The following NBEA variants were observed in gnomAD, a reference collection of about 807,000 sequenced individuals.
The protein encoded by NBEA is lysosomal-trafficking regulator 2.
In NBEA, 44 loss-of-function variants were observed where a neutral mutation model predicts 343.4. The ratio of observed to expected loss-of-function variants is 0.13; its 90% confidence interval spans 0.10 to 0.16. The LOEUF (loss-of-function observed/expected upper bound fraction) is 0.16, where lower values mean the gene tolerates loss of function less well. NBEA is among the 10% of genes least tolerant of loss of function. The probability of loss-of-function intolerance (pLI) is 1.00; values close to 1 mark genes in which losing one functional copy is unlikely to be tolerated. For synonymous variants in NBEA, 1,175 were observed against 1,238.7 expected, an observed-to-expected ratio of 0.95 and a Z score of 1.08; for missense variants, 2,555 against 3,631.3, an observed-to-expected ratio of 0.70 and a Z score of 7.62.
At chr13:35,140,177 A>AT (rs1270333910) in intron 17 of NBEA, among the ~76,000 whole-genome samples, 3,825 of 143,586 alleles carry the variant, frequency 0.027, 142 homozygotes, top group Admixed American at 0.096. Flanking sequence ...TGCCCAGCTA[A>AT]TTTTTTTTTT....
intron 48 of NBEA, among the ~76,000 whole-genome samples, chr13:35,608,765 C>T (rs1007300169): frequency 6.6e-6 from 1 of 152,150 alleles, no homozygotes; most frequent in Non-Finnish European, 1.5e-5. Flanking sequence ...GAACAGAATT[C>T]TCATATGGGT....
At chr13:35,543,048 C>T (rs1183978951) in intron 41 of NBEA, among the ~76,000 whole-genome samples, 1 of 151,842 alleles carries the variant, frequency 6.6e-6, no homozygotes, top group Non-Finnish European at 1.5e-5. Flanking sequence ...TTTTAGGTTC[C>T]TAAGACCATA....
At chr13:35,430,037 A>G (rs905960547) in intron 38 of NBEA, among the ~76,000 whole-genome samples, 2 of 152,134 alleles carry the variant, frequency 1.3e-5, no homozygotes, top group Admixed American at 6.5e-5. Context: ...AGGAATCTCC[A>G]CACTGTTTTT....
intron 38 of NBEA, among the ~76,000 whole-genome samples, chr13:35,378,689 T>C (rs944873196): frequency 1.3e-5 from 2 of 151,794 alleles, no homozygotes; most frequent in Admixed American, 6.6e-5. Context: ...GAAGAGTACA[T>C]ATGTCATAAT....
chr13:34,996,560 T>G (rs1566139776), intron 1 of NBEA, among the ~76,000 whole-genome samples: 1 of 152,106 alleles, frequency 6.6e-6, no homozygotes, highest in Non-Finnish European at 1.5e-5. Context: ...TTATAGTATA[T>G]TTACTTTTAC....
At chr13:35,558,058 T>C (rs1218677619) in intron 44 of NBEA, among the ~76,000 whole-genome samples, 1 of 152,164 alleles carries the variant, frequency 6.6e-6, no homozygotes, top group East Asian at 1.9e-4. Context: ...TAATTATGTA[T>C]GGCATAAATC....
chr13:34,993,769 C>A (rs1383546464), intron 1 of NBEA, among the ~76,000 whole-genome samples: 1 of 152,136 alleles, frequency 6.6e-6, no homozygotes, highest in Non-Finnish European at 1.5e-5. Context: ...TAGTCTGTTA[C>A]AAAAATTTTC....
intron 38 of NBEA, among the ~76,000 whole-genome samples, chr13:35,422,092 G>A (rs201053339): frequency 7.5e-5 from 7 of 93,144 alleles, no homozygotes; most frequent in African/African-American, 4.0e-4. Flanking sequence ...TTGTTTGTTT[G>A]TTTTTTTTTT....
intron 33 of NBEA, among the ~76,000 whole-genome samples, chr13:35,225,595 G>T (rs577046931): frequency 5.9e-5 from 9 of 152,188 alleles, no homozygotes; most frequent in Admixed American, 5.2e-4. Flanking sequence ...AAGAGGCTGG[G>T]CATCGTTGCA....
intron 10 of NBEA, among the ~76,000 whole-genome samples, chr13:35,092,908 G>T (rs992836554): frequency 6.6e-6 from 1 of 152,018 alleles, no homozygotes; most frequent in Admixed American, 6.6e-5. Context: ...AATGTTTATA[G>T]TAGCCTTATT....
intron 44 of NBEA, among the ~76,000 whole-genome samples, chr13:35,566,570 A>T (rs2080148060): frequency 1.3e-5 from 2 of 152,070 alleles, no homozygotes; most frequent in South Asian, 2.1e-4. Context: ...TCTTGAAGAG[A>T]CTTTGCTCAC....
At chr13:35,174,981 C>T (rs748575772) in intron 27 of NBEA, among the ~76,000 whole-genome samples, 105 of 151,784 alleles carry the variant, frequency 6.9e-4, no homozygotes, top group Non-Finnish European at 9.3e-4. Context: ...TTAGTGGAGA[C>T]GGGGTTTCAC....
intron 41 of NBEA, among the ~76,000 whole-genome samples, chr13:35,485,474 G>T (rs564914530): frequency 6.6e-6 from 1 of 152,040 alleles, no homozygotes; most frequent in Non-Finnish European, 1.5e-5. Context: ...ATGTGCTATC[G>T]TTGTATTATC....
At chr13:35,033,925 G>A (rs569539844) in intron 1 of NBEA, among the ~76,000 whole-genome samples, 92 of 151,168 alleles carry the variant, frequency 6.1e-4, no homozygotes, top group Admixed American at 1.4e-3. Flanking sequence ...GTTTTTTTCA[G>A]GTATAAGATT....
chr13:35,311,808 C>G (rs994423700), intron 36 of NBEA, among the ~76,000 whole-genome samples: 12 of 152,026 alleles, frequency 7.9e-5, no homozygotes, highest in African/African-American at 2.9e-4. Context: ...GAGCCAAGAT[C>G]GTGCCATTGC....
chr13:35,226,484 A>G (rs2074658705), intron 33 of NBEA, among the ~76,000 whole-genome samples: 1 of 152,114 alleles, frequency 6.6e-6, no homozygotes, highest in Admixed American at 6.6e-5. Context: ...GAAATATTGT[A>G]TTTAGGAGCA....
intron 34 of NBEA, among the ~76,000 whole-genome samples, chr13:35,236,747 C>T (rs549994940): frequency 2.4e-4 from 36 of 151,618 alleles, no homozygotes; most frequent in Admixed American, 1.5e-3. Context: ...TGAGCCACCC[C>T]GCCCGGCCTA....
intron 38 of NBEA, among the ~76,000 whole-genome samples, chr13:35,389,593 A>T (rs2042402080): frequency 6.6e-6 from 1 of 152,150 alleles, no homozygotes; most frequent in African/African-American, 2.4e-5. Flanking sequence ...AAGCTGTATT[A>T]TTATAGCTGA....
intron 39 of NBEA, among the ~76,000 whole-genome samples, chr13:35,437,984 A>G (rs544287859): frequency 6.6e-6 from 1 of 152,236 alleles, no homozygotes; most frequent in South Asian, 2.1e-4. Context: ...TTGCCCTTTC[A>G]TAAAATTACA....
Sources: gnomAD v4.1 joint callset for allele counts (sites outside exome capture counted in the v4.1 genomes callset) on GRCh38, gnomAD v4.1.1 for gene constraint, MANE v1.5 for transcripts, NCBI Gene and HGNC (gene_info 2026-07-23, HGNC 2026-07-21) for gene names.